The following GRIP2 variants were observed in gnomAD, a reference collection of about 807,000 sequenced individuals.
GRIP2 encodes glutamate receptor interacting protein 2, also known as glutamate receptor-interacting protein 2.
In GRIP2, 58 loss-of-function variants were observed where a neutral mutation model predicts 108.3. The ratio of observed to expected loss-of-function variants is 0.54; its 90% CI spans 0.43 to 0.67. The LOEUF (loss-of-function observed/expected upper bound fraction) is 0.67. Ranked by LOEUF, GRIP2 falls within the 30% of genes least tolerant of loss-of-function variation. The pLI is 0.00. For synonymous variants in GRIP2, 586 were observed against 598.2 expected, an observed-to-expected ratio of 0.98 and a Z score of 0.30; for missense variants, 1,278 against 1,430.6, an observed-to-expected ratio of 0.89 and a Z score of 1.72.
chr3:14,540,355 C>G (rs774012573), upstream of GRIP2: 1 of 1,612,178 alleles, frequency 6.2e-7, no homozygotes, highest in South Asian at 1.1e-5. The surrounding 1 kb of genome is among the most constrained non-coding windows in gnomAD (Gnocchi z 4.1). Context: ...TCGGGAGCCA[C>G]GCTGCTTGGC....
chr3:14,572,814 G>A, the GRIP2 span: 1 of 852,876 alleles, frequency 1.2e-6, no homozygotes, highest in South Asian at 1.5e-5. Flanking sequence ...GCTCTGGCCT[G>A]CTGGAGCGCA....
Position 14,497,381 on chromosome 3 carries a change from TG to T in GRIP2, c.2680-822del, listed in dbSNP as rs1233809449. Among the ~76,000 whole-genome samples the T allele has an allele frequency of 6.6e-5, 10 of 152,308 alleles. No individual in the cohort carries two copies. In the East Asian group the frequency reaches 1.7e-3, roughly 26 times the overall value. ...GTGAGGCACTCGGGAAGTGAGAGCCTGGGACAGGTGGCCCTCGTCCTGTGAG... is the reference window on the plus strand; with the variant it reads ...GTGAGGCACTCGGGAAGTGAGAGCCTGGACAGGTGGCCCTCGTCCTGTGAG... On this transcript the variant is annotated intron_variant, in intron 21 of 23. Coordinates refer to ENST00000621039, the MANE Select transcript of GRIP2 (RefSeq NM_001080423.4).
chr3:14,546,208 G>A (rs1015613422), upstream of GRIP2, among the ~76,000 whole-genome samples: 10 of 152,196 alleles, frequency 6.6e-5, no homozygotes, highest in Admixed American at 2.0e-4. Flanking sequence ...GGAGGAGGAG[G>A]TTCCAGGTAG....
chr3:14,528,629 A>T (rs1694625480), intron 1 of GRIP2, among the ~76,000 whole-genome samples: 1 of 151,904 alleles, frequency 6.6e-6, no homozygotes, highest in South Asian at 2.1e-4. Context: ...GCCAGGGTAG[A>T]AGGATTGCTT....
chr3:14,585,428 G>C, the GRIP2 span, among the ~76,000 whole-genome samples: 2 of 152,258 alleles, frequency 1.3e-5, no homozygotes, highest in African/African-American at 4.8e-5. Flanking sequence ...CCTCCATATA[G>C]CTCTGGGAGG....
intron 2 of GRIP2, 138 bp downstream of exon 2, chr3:14,525,713 G>A (rs1694535963): frequency 1.5e-6 from 2 of 1,310,358 alleles, no homozygotes; most frequent in East Asian, 2.3e-5. Context: ...CCTTTTTACA[G>A]AGGAGAATCA....
chr3:14,493,868 C>A, intron 23 of GRIP2, 42 bp from the exon 24 acceptor site: 2 of 1,582,172 alleles, frequency 1.3e-6, no homozygotes, highest in Non-Finnish European at 8.6e-7. Flanking sequence ...GAGATGTCAG[C>A]CCTGCTGCGC....
chr3:14,506,462 G>T (rs1693930517), intron 19 of GRIP2, among the ~76,000 whole-genome samples: 1 of 152,208 alleles, frequency 6.6e-6, no homozygotes, highest in Non-Finnish European at 1.5e-5. Context: ...ACATTGTTGA[G>T]CACCTACTGT....
At chr3:14,573,858 G>A in the GRIP2 span, 5 of 1,358,692 alleles carry the variant, frequency 3.7e-6, no homozygotes, top group South Asian at 4.7e-5. Context: ...TGCCAGCATG[G>A]GCGAGCACTC....
At chr3:14,583,592 G>A in the GRIP2 span, among the ~76,000 whole-genome samples, 15 of 152,136 alleles carry the variant, frequency 9.9e-5, no homozygotes, top group Non-Finnish European at 2.9e-5. Flanking sequence ...CCTCCTAACT[G>A]GGAATTCTGA....
chr3:14,567,989 G>A, the GRIP2 span, among the ~76,000 whole-genome samples: 22,047 of 152,114 alleles, frequency 0.14, 1,829 homozygotes, highest in Middle Eastern at 0.22. Flanking sequence ...CAAAGAACAC[G>A]GCCCATGCAA....
upstream of GRIP2, among the ~76,000 whole-genome samples, chr3:14,546,070 G>A (rs1695053076): frequency 6.6e-6 from 1 of 152,212 alleles, no homozygotes; most frequent in African/African-American, 2.4e-5. Context: ...CTCAGAGTAG[G>A]CGACCTTTAA....
Position 14,505,594 on chromosome 3 carries a change from C to T in GRIP2, c.2573+21G>A, listed in dbSNP as rs757470678. On this transcript the variant is annotated intron_variant, in intron 20 of 23. Coordinates refer to ENST00000621039, the MANE Select transcript of GRIP2 (RefSeq NM_001080423.4). The surrounding 1 kb of genome is among the most constrained non-coding windows in gnomAD (Gnocchi z 4.2). The stretch of plus-strand genomic sequence containing the variant: ...AAGACACTGTGACTCCCTCCTCCTT[C>T]ACGGTGCTCCCACCACAGACCTCGT... 12 of 1,603,522 alleles carry T rather than the reference C, an allele frequency of 7.5e-6. No homozygotes were observed. In the East Asian group the frequency reaches 1.1e-4, roughly 15 times the overall value.
At chr3:14,600,845 G>T in the GRIP2 span, among the ~76,000 whole-genome samples, 4 of 152,176 alleles carry the variant, frequency 2.6e-5, no homozygotes, top group Admixed American at 2.0e-4. Flanking sequence ...TCCCAACTCA[G>T]ATTTTCCAAG....
rs756145922 is a variant in GRIP2 at position 14,517,218 on chromosome 3, G to A, written c.1157-5C>T. 7.0e-6 allele frequency: 11 copies of A among 1,568,640 alleles called. No homozygotes were observed. Among genetic ancestry groups the A allele is most frequent in the South Asian group, 1.2e-5 (1 of 83,976 alleles). ...AAAAGGGAGTTGAAGACAAGGCTGGGGAGATGAGAGCACAGCCCCGTGAAC... is the reference window on the plus strand; with the variant it reads ...AAAAGGGAGTTGAAGACAAGGCTGGAGAGATGAGAGCACAGCCCCGTGAAC... On this transcript the variant is annotated splice_polypyrimidine_tract_variant and splice_region_variant and intron_variant, in intron 10 of 23. Transcript: ENST00000621039.
At chr3:14,535,698 C>A (rs1261956461) in intron 1 of GRIP2, among the ~76,000 whole-genome samples, 5 of 152,230 alleles carry the variant, frequency 3.3e-5, no homozygotes, top group Non-Finnish European at 7.3e-5. Flanking sequence ...GTCAAGGGAA[C>A]TGCCCAGGGG....
the GRIP2 span, among the ~76,000 whole-genome samples, chr3:14,598,910 C>A: frequency 2.0e-5 from 3 of 152,152 alleles, no homozygotes; most frequent in African/African-American, 7.2e-5. Context: ...CCTTCTCACT[C>A]TTTAGTGCCA....
intron 1 of GRIP2, among the ~76,000 whole-genome samples, chr3:14,552,720 GT>G (rs1442715036): frequency 2.0e-5 from 3 of 151,392 alleles, no homozygotes; most frequent in African/African-American, 7.3e-5. Flanking sequence ...AGCCTCCCAG[GT>G]AGCTGGAATT....
At chr3:14,540,343 C>A (rs367929445), upstream of GRIP2, 1 of 1,612,934 alleles carries the variant, frequency 6.2e-7, no homozygotes, top group South Asian at 1.1e-5. This position sits in a 1 kb window ranked among gnomAD's most constrained non-coding sequence, Gnocchi z 4.1. Context: ...CCACCAACTC[C>A]CTCGGGAGCC....
Sources: gnomAD v4.1 joint callset for allele counts (sites outside exome capture counted in the v4.1 genomes callset) on GRCh38, gnomAD v4.1.1 for gene constraint, Gnocchi (gnomAD v3.1) non-coding constraint, MANE v1.5 for transcripts, NCBI Gene and HGNC (gene_info 2026-07-23, HGNC 2026-07-21) for gene names.